The following TSNAX variants were observed in gnomAD, a reference collection of about 807,000 sequenced individuals.
TSNAX encodes the protein translin-associated protein X.
In TSNAX, 12 loss-of-function variants were observed where a neutral mutation model predicts 33.0. The ratio of observed to expected loss-of-function variants is 0.36; its 90% CI spans 0.23 to 0.59. TSNAX has a LOEUF of 0.59. Ranked by LOEUF, TSNAX falls within the 20% of genes least tolerant of loss-of-function variation. TSNAX has a pLI of 0.74. For missense variants in TSNAX, 267 were observed against 341.3 expected, an observed-to-expected ratio of 0.78 and a Z score of 1.72; for synonymous variants, 110 against 117.2, an observed-to-expected ratio of 0.94 and a Z score of 0.40.
chr1:231,547,005 T>C (rs1435746838), intron 4 of TSNAX, among the ~76,000 whole-genome samples: 1 of 152,220 alleles, frequency 6.6e-6, no homozygotes, highest in Non-Finnish European at 1.5e-5. Flanking sequence ...AAATACGGTC[T>C]CTGTGCGTGC....
chr1:231,559,083 G>A (rs1660872477), intron 4 of TSNAX, among the ~76,000 whole-genome samples: 1 of 152,088 alleles, frequency 6.6e-6, no homozygotes. Flanking sequence ...GTGGCAGGTG[G>A]GGGAGACTTG....
At chr1:231,554,095 A>G (rs1660531950) in intron 4 of TSNAX, among the ~76,000 whole-genome samples, 1 of 152,230 alleles carries the variant, frequency 6.6e-6, no homozygotes, top group African/African-American at 2.4e-5. Context: ...CTTGAAAATT[A>G]AATAACTGAC....
intron 4 of TSNAX, 68 bp from the exon 5 acceptor site, chr1:231,561,059 GT>G: frequency 4.0e-6 from 6 of 1,507,208 alleles, no homozygotes; most frequent in East Asian, 4.6e-5. Flanking sequence ...TCAATATGAA[GT>G]TTTTTTATTA....
Position 231,565,783 on chromosome 1 carries a change from C to T in TSNAX, c.*878C>T, listed in dbSNP as rs561578608. The stretch of plus-strand genomic sequence containing the variant: ...TTATAAAGTATTATAGTGAAAAATT[C>T]GCATTCTGGCTGATTTTAAGCCATT... On this transcript the variant is annotated 3_prime_UTR_variant, in exon 6 of 6. Transcript: ENST00000366639. The T allele has an allele frequency of 5.3e-5, 8 of 152,164 alleles. No individual in the cohort carries two copies. In the East Asian group the frequency reaches 9.7e-4, roughly 18 times the overall value. The allele number at this position is 152,164 out of a possible 1,614,324, so 9.4% of individuals were successfully genotyped here. A position where few individuals can be genotyped will look rare whatever the true frequency, so the allele number is the denominator to read the frequency against.
intron 2 of TSNAX, among the ~76,000 whole-genome samples, chr1:231,531,757 G>A (rs989989759): frequency 1.3e-5 from 2 of 152,134 alleles, no homozygotes; most frequent in Non-Finnish European, 2.9e-5. Flanking sequence ...CAGGCAGCTT[G>A]CGGGGCTGTG....
intron 2 of TSNAX, among the ~76,000 whole-genome samples, chr1:231,532,941 T>C (rs991836696): frequency 6.6e-6 from 1 of 152,222 alleles, no homozygotes. Context: ...CCATTTGTAT[T>C]CTAAGAAAAT....
At chr1:231,531,781 T>G (rs1204163118) in intron 2 of TSNAX, among the ~76,000 whole-genome samples, 1 of 152,142 alleles carries the variant, frequency 6.6e-6, no homozygotes, top group Admixed American at 6.5e-5. Context: ...TGAAAAGACT[T>G]GGGAAATAAA....
intron 2 of TSNAX, among the ~76,000 whole-genome samples, chr1:231,530,503 G>T (rs888260451): frequency 2.0e-5 from 3 of 152,008 alleles, no homozygotes; most frequent in Admixed American, 2.0e-4. Context: ...GACCAGCCTG[G>T]CCAACATGGT....
chr1:231,531,487 C>T (rs1306458297), intron 2 of TSNAX, among the ~76,000 whole-genome samples: 1 of 152,212 alleles, frequency 6.6e-6, no homozygotes, highest in Non-Finnish European at 1.5e-5. Context: ...CTCTGTCCCT[C>T]ATACAGGACT....
chr1:231,535,225 AGTT>A (rs1659084491), intron 2 of TSNAX: 3 of 152,188 alleles, frequency 2.0e-5, no homozygotes, highest in Admixed American at 1.3e-4. Context: ...GTAGACTCCC[AGTT>A]GTTGTACTGT....
At chr1:231,545,527 T>A (rs1659845000) in intron 4 of TSNAX, among the ~76,000 whole-genome samples, 1 of 151,346 alleles carries the variant, frequency 6.6e-6, no homozygotes, top group African/African-American at 2.4e-5. Flanking sequence ...AATAAGTCTT[T>A]AAAAAAAAAT....
chr1:231,529,017 G>T (rs1165627641), intron 1 of TSNAX, among the ~76,000 whole-genome samples, 191 bp downstream of exon 1: 1 of 152,196 alleles, frequency 6.6e-6, no homozygotes, highest in Non-Finnish European at 1.5e-5. Flanking sequence ...TTTTTGAGGT[G>T]TGATTTTATC....
At chr1:231,533,177 C>T (rs895657316) in intron 2 of TSNAX, among the ~76,000 whole-genome samples, 2 of 145,560 alleles carry the variant, frequency 1.4e-5, no homozygotes, top group African/African-American at 5.7e-5. Context: ...AGCAATTCTC[C>T]TGCCTCCGCC....
chr1:231,564,499 G>GTT (rs750107793), intron 5 of TSNAX, 29 bp from the exon 6 acceptor site: 1 of 1,490,610 alleles, frequency 6.7e-7, no homozygotes, highest in African/African-American at 1.4e-5. Context: ...GTGTGTGTGT[G>GTT]TTTTTGTTTT....
chr1:231,539,406 T>A (rs1191294485), intron 3 of TSNAX, among the ~76,000 whole-genome samples: 3 of 152,214 alleles, frequency 2.0e-5, no homozygotes, highest in African/African-American at 7.2e-5. Flanking sequence ...AAATCTGAAA[T>A]CTGAAGTGCT....
At chr1:231,531,575 G>C (rs561852654) in intron 2 of TSNAX, among the ~76,000 whole-genome samples, 6 of 152,176 alleles carry the variant, frequency 3.9e-5, no homozygotes, top group Non-Finnish European at 7.4e-5. Context: ...CATTAATATA[G>C]CCATAATAAA....
At chr1:231,545,669 G>T (rs1473952468) in intron 4 of TSNAX, among the ~76,000 whole-genome samples, 1 of 151,660 alleles carries the variant, frequency 6.6e-6, no homozygotes, top group Non-Finnish European at 1.5e-5. Context: ...GATAAGAATT[G>T]TCATTTTTTG....
intron 3 of TSNAX, among the ~76,000 whole-genome samples, chr1:231,539,096 G>A (rs969961684): frequency 3.8e-4 from 58 of 152,078 alleles, no homozygotes; most frequent in Admixed American, 1.1e-3. Flanking sequence ...TTACCTGACT[G>A]TGTAAAATTA....
chr1:231,558,961 A>G (rs1377304472), intron 4 of TSNAX, among the ~76,000 whole-genome samples: 8 of 151,996 alleles, frequency 5.3e-5, no homozygotes, highest in Admixed American at 3.9e-4. Flanking sequence ...AGTGCTATCA[A>G]AACCAGGGTC....
Sources: gnomAD v4.1 joint callset for allele counts (sites outside exome capture counted in the v4.1 genomes callset) on GRCh38, gnomAD v4.1.1 for gene constraint, MANE v1.5 for transcripts, NCBI Gene and HGNC (gene_info 2026-07-23, HGNC 2026-07-21) for gene names.